NCKAP5: variants seen among roughly 807,000 people sequenced by gnomAD.
The protein encoded by NCKAP5 is nck-associated protein 5.
In NCKAP5, 92 loss-of-function variants were observed where a neutral mutation model predicts 167.0. The ratio of observed to expected loss-of-function variants is 0.55; its 90% CI spans 0.47 to 0.66. The LOEUF (loss-of-function observed/expected upper bound fraction) is 0.66. Ranked by LOEUF, NCKAP5 falls within the 30% of genes least tolerant of loss-of-function variation. The pLI, the probability that NCKAP5 is intolerant of heterozygous loss-of-function variation, is 0.00. For missense variants in NCKAP5, 2,378 were observed against 2,315.0 expected (o/e 1.03, Z -0.56); for synonymous variants, 891 against 877.4 (o/e 1.02, Z -0.27).
At chr2:132,898,106 T>C (rs1693345787) in intron 8 of NCKAP5, among the ~76,000 whole-genome samples, 2 of 152,270 alleles carry the variant, frequency 1.3e-5, no homozygotes, top group African/African-American at 4.8e-5. Context: ...TCTCAAACCC[T>C]GCCAATGCTT....
At chr2:133,339,908 A>G (rs1241452756) in intron 3 of NCKAP5, among the ~76,000 whole-genome samples, 1 of 152,216 alleles carries the variant, frequency 6.6e-6, no homozygotes, top group Non-Finnish European at 1.5e-5. Context: ...CTATAATTCT[A>G]GAAACCTTTG....
intron 3 of NCKAP5, among the ~76,000 whole-genome samples, chr2:133,440,038 G>A (rs1405543036): frequency 6.6e-6 from 1 of 152,118 alleles, no homozygotes; most frequent in African/African-American, 2.4e-5. Context: ...CACATTATTT[G>A]CTAACTGTCT....
intron 6 of NCKAP5, among the ~76,000 whole-genome samples, chr2:133,008,338 T>G (rs762842453): frequency 6.6e-6 from 1 of 152,176 alleles, no homozygotes; most frequent in Non-Finnish European, 1.5e-5. Context: ...ATTGTCCACA[T>G]ATGCATTCCC....
chr2:133,333,534 C>T (rs1041254370), intron 3 of NCKAP5, among the ~76,000 whole-genome samples: 1 of 152,198 alleles, frequency 6.6e-6, no homozygotes, highest in Non-Finnish European at 1.5e-5. Flanking sequence ...AACGGTCCTA[C>T]CTTTCTACAG....
At chr2:133,621,257 G>T in the NCKAP5 span, among the ~76,000 whole-genome samples, 1 of 151,554 alleles carries the variant, frequency 6.6e-6, no homozygotes, top group Non-Finnish European at 1.5e-5. Flanking sequence ...GCACAAGAAA[G>T]AAAGAACAAA....
intron 3 of NCKAP5, among the ~76,000 whole-genome samples, chr2:133,437,560 G>A (rs1690569575): frequency 2.0e-5 from 3 of 152,126 alleles, no homozygotes; most frequent in African/African-American, 7.2e-5. Context: ...GTACTTTTGT[G>A]TTTTTCCCGA....
intron 8 of NCKAP5, among the ~76,000 whole-genome samples, chr2:132,952,615 AG>A (rs2076221952): frequency 6.6e-6 from 1 of 152,238 alleles, no homozygotes; most frequent in African/African-American, 2.4e-5. Flanking sequence ...ATAAAACCCA[AG>A]GTAAGAGGAA....
rs113199166 is a variant in NCKAP5, at chr2:132,700,930, C to A, written c.5713+24697G>T. On this transcript the variant is annotated intron_variant, in intron 19 of 19. Coordinates refer to ENST00000409261, the MANE Select transcript of NCKAP5 (RefSeq NM_207363.3). ...TGCATGCTGGTTACAATCCCCTGGG[C>A]GGGGGGGGGGGCTTTTAAGCAATAC... is the stretch of plus-strand genomic sequence containing the variant. Among the ~76,000 whole-genome samples, 142 of 113,220 alleles carry A rather than the reference C, an allele frequency of 1.3e-3. 1 individual carries two copies. Among genetic ancestry groups the A allele is most frequent in the Admixed American group, 3.8e-3 (43 of 11,196 alleles). The allele number at this position is 113,220 out of a possible 152,430, so 74.3% of individuals were successfully genotyped here. A position where few individuals can be genotyped will look rare whatever the true frequency, so the allele number is the denominator to read the frequency against.
At chr2:133,449,284 A>G (rs745749184) in intron 3 of NCKAP5, among the ~76,000 whole-genome samples, 12 of 152,236 alleles carry the variant, frequency 7.9e-5, no homozygotes, top group Non-Finnish European at 1.6e-4. Context: ...TATATTAGAA[A>G]CTGAATTTTT....
the NCKAP5 span, among the ~76,000 whole-genome samples, chr2:133,601,381 A>G: frequency 6.6e-6 from 1 of 152,164 alleles, no homozygotes; most frequent in Non-Finnish European, 1.5e-5. Flanking sequence ...CAGCACCAAC[A>G]ATGTGCCAGG....
chr2:133,224,091 C>T (rs534400191), intron 4 of NCKAP5, among the ~76,000 whole-genome samples: 135 of 152,302 alleles, frequency 8.9e-4, no homozygotes, highest in African/African-American at 3.1e-3. Flanking sequence ...CCTCTACATC[C>T]TTATCCTATA....
intron 3 of NCKAP5, among the ~76,000 whole-genome samples, chr2:133,420,065 C>T (rs1451335326): frequency 6.6e-6 from 1 of 152,208 alleles, no homozygotes; most frequent in African/African-American, 2.4e-5. Context: ...ATACTCTCTA[C>T]TGTGTTTTCT....
At chr2:132,801,563 G>C (rs531317256) in intron 11 of NCKAP5, among the ~76,000 whole-genome samples, 1 of 152,188 alleles carries the variant, frequency 6.6e-6, no homozygotes, top group Non-Finnish European at 1.5e-5. Flanking sequence ...CTATACACAA[G>C]GGCAGGGGTT....
At position 132,964,482 on chromosome 2, in the gene NCKAP5, C is replaced by G. The variant is rs569222068; in HGVS notation, c.430-613G>C. Among the ~76,000 whole-genome samples, 3 of 152,260 alleles carry G rather than the reference C, an allele frequency of 2.0e-5. No homozygotes were observed. In the East Asian group the frequency reaches 5.8e-4, roughly 29 times the overall value. On this transcript the variant is annotated intron_variant, in intron 7 of 19. Transcript: ENST00000409261. ...TAAAAAGTTATTTTGTCTTGACTCACTGTTGGAAGCCCCTCACTCAACCTT... is the reference window on the plus strand; with the variant it reads ...TAAAAAGTTATTTTGTCTTGACTCAGTGTTGGAAGCCCCTCACTCAACCTT...
At chr2:133,673,029 G>C in the NCKAP5 span, among the ~76,000 whole-genome samples, 1 of 152,064 alleles carries the variant, frequency 6.6e-6, no homozygotes, top group Non-Finnish European at 1.5e-5. Flanking sequence ...GTGTCCAAAG[G>C]CAGACTCCAT....
At chr2:132,776,749 C>T (rs148642973) in intron 15 of NCKAP5, among the ~76,000 whole-genome samples, 620 of 152,274 alleles carry the variant, frequency 4.1e-3, no homozygotes, top group Non-Finnish European at 6.6e-3. Flanking sequence ...ATTTTGGCAG[C>T]AGATTCCCCT....
chr2:132,713,958 C>T (rs2105339584), intron 19 of NCKAP5, among the ~76,000 whole-genome samples: 1 of 152,246 alleles, frequency 6.6e-6, no homozygotes, highest in East Asian at 1.9e-4. Context: ...ATAATAAAAT[C>T]CTGTTCTAAT....
chr2:132,919,285 T>A (rs1043970236), intron 8 of NCKAP5, among the ~76,000 whole-genome samples: 25 of 152,144 alleles, frequency 1.6e-4, no homozygotes, highest in Admixed American at 1.6e-3. Flanking sequence ...CAGCTAAAAA[T>A]TCATCAATTA....
At chr2:133,299,813 A>C (rs999115211) in intron 4 of NCKAP5, among the ~76,000 whole-genome samples, 2 of 152,192 alleles carry the variant, frequency 1.3e-5, no homozygotes, top group Non-Finnish European at 1.5e-5. Context: ...AAATGTACTT[A>C]ATAAAACAAT....
Sources: gnomAD v4.1 joint callset for allele counts (sites outside exome capture counted in the v4.1 genomes callset) on GRCh38, gnomAD v4.1.1 for gene constraint, MANE v1.5 for transcripts, NCBI Gene and HGNC (gene_info 2026-07-23, HGNC 2026-07-21) for gene names.